CTBS: variants seen among roughly 807,000 people sequenced by gnomAD.
The protein encoded by CTBS is chitobiase.
CTBS carries 35 observed loss-of-function variants against 44.3 expected under a neutral mutation model. That is an observed-to-expected ratio of 0.79 (90% CI 0.60 to 1.05). The LOEUF is 1.05. Ranked by LOEUF, CTBS falls within the 50% of genes least tolerant of loss-of-function variation. The pLI, the probability that CTBS is intolerant of heterozygous loss-of-function variation, is 0.00. For missense variants in CTBS, 458 were observed against 475.3 expected, an observed-to-expected ratio of 0.96 and a Z score of 0.34; for synonymous variants, 143 against 168.0, an observed-to-expected ratio of 0.85 and a Z score of 1.15.
At chr1:84,557,270 C>T (rs1242711638) in intron 6 of CTBS, among the ~76,000 whole-genome samples, 2 of 152,098 alleles carry the variant, frequency 1.3e-5, no homozygotes, top group Non-Finnish European at 2.9e-5. Flanking sequence ...CGATGGCTTA[C>T]GCCTGTAATC....
At chr1:84,566,448 C>G (rs1684702049) in intron 3 of CTBS, among the ~76,000 whole-genome samples, 1 of 152,114 alleles carries the variant, frequency 6.6e-6, no homozygotes, top group African/African-American at 2.4e-5. Flanking sequence ...GTTGGCACAA[C>G]CTGACTGGGT....
chr1:84,550,546 C>G lies in CTBS; in HGVS notation c.*4453G>C. ...AGAAGTTAAGGTAATTTACATTTTTCCTAATCAGATTATTATAACATTTAT... is the reference window on the plus strand; with the variant it reads ...AGAAGTTAAGGTAATTTACATTTTTGCTAATCAGATTATTATAACATTTAT... On this transcript the variant is annotated 3_prime_UTR_variant, in exon 7 of 7. Coordinates refer to ENST00000370630, the MANE Select transcript of CTBS (RefSeq NM_004388.3). 2 of 1,494,378 alleles carry G rather than the reference C, an allele frequency of 1.3e-6. No individual in the cohort carries two copies. Among genetic ancestry groups the G allele is most frequent in the Non-Finnish European group, 1.8e-6 (2 of 1,118,648 alleles). 92.6% of individuals were successfully genotyped at this position (1,494,378 alleles called of 1,614,324 possible).
intron 3 of CTBS, among the ~76,000 whole-genome samples, chr1:84,569,086 T>C (rs985260840): frequency 3.3e-5 from 5 of 152,240 alleles, no homozygotes; most frequent in South Asian, 2.1e-4. Flanking sequence ...TGGTTTATAA[T>C]ACTCATAATG....
rs1684329900 is a variant in CTBS at position 84,553,183 on chromosome 1, T to G, written c.*1816A>C. On this transcript the variant is annotated 3_prime_UTR_variant, in exon 7 of 7. Transcript: ENST00000370630. Reference sequence around the variant, plus strand: ...ATTTAAATATGTATTTGAACAGATTTGTTTAACCATTATTCTCCTTGGCAA... The same window carrying G: ...ATTTAAATATGTATTTGAACAGATTGGTTTAACCATTATTCTCCTTGGCAA... 3 of 973,740 alleles carry G rather than the reference T, an allele frequency of 3.1e-6. No homozygotes were observed. Among genetic ancestry groups the G allele is most frequent in the Non-Finnish European group, 1.5e-6 (1 of 671,390 alleles). 60.3% of individuals were successfully genotyped at this position (973,740 alleles called of 1,614,324 possible).
At position 84,574,280 on chromosome 1, in the gene CTBS, G is replaced by T. The variant is rs1339306567; in HGVS notation, c.136C>A (p.Pro46Thr). Residue 46 changes from proline to threonine, a missense_variant, in exon 1 of 7, where the codon CCT (proline) becomes ACT (threonine). Coordinates refer to ENST00000370630, the MANE Select transcript of CTBS (RefSeq NM_004388.3). ...TGGCGAATCGGGCGGCAGAGCTCAGGCTCCGGGCATGGGCAGTCGGTCCCG... is the reference window on the plus strand; with the variant it reads ...TGGCGAATCGGGCGGCAGAGCTCAGTCTCCGGGCATGGGCAGTCGGTCCCG... ...AAGTDCPCPE[P>T]ELCRPIRHHP... 3.1e-6 allele frequency: 5 copies of T among 1,590,964 alleles called. No homozygotes were observed. The South Asian group carries it at 5.7e-5, about 18-fold the overall frequency.
intron 4 of CTBS, among the ~76,000 whole-genome samples, chr1:84,564,607 A>G (rs1684657237): frequency 6.6e-6 from 1 of 152,210 alleles, no homozygotes; most frequent in Non-Finnish European, 1.5e-5. Flanking sequence ...CTTCGGCCTC[A>G]TGTGATCTTC....
At position 84,574,328 on chromosome 1, in the gene CTBS, GCGCCAGCA is replaced by G; in HGVS notation, c.80_87del (p.Leu27ProfsTer18). 6.4e-7 allele frequency: 1 copy of G among 1,565,124 alleles called. No homozygotes were observed. The highest frequency in any genetic ancestry group is 8.7e-7 in the Non-Finnish European group (1 of 1,155,416). On this transcript the variant is annotated frameshift_variant, in exon 1 of 7. Coordinates refer to ENST00000370630, the MANE Select transcript of CTBS (RefSeq NM_004388.3). LOFTEE classifies it high-confidence loss of function. Reference sequence around the variant, plus strand: ...CCGGCCGCGAGCCGCAGCGCCAGCAGCGCCAGCAGCGCCAGCAGCGCTAGACCCGGGAC... The same window carrying G: ...CCGGCCGCGAGCCGCAGCGCCAGCAGGCGCCAGCAGCGCTAGACCCGGGAC...
At chr1:84,565,149 T>C (rs1684666848) in intron 4 of CTBS, among the ~76,000 whole-genome samples, 1 of 152,032 alleles carries the variant, frequency 6.6e-6, no homozygotes, top group African/African-American at 2.4e-5. Context: ...CAGTGAGCCC[T>C]GATCGTGCCA....
intron 6 of CTBS, among the ~76,000 whole-genome samples, chr1:84,558,592 C>T (rs1684523444): frequency 6.9e-6 from 1 of 145,562 alleles, no homozygotes. Context: ...CGCCCGGCCA[C>T]TTTTTTTTAA....
At chr1:84,566,474 G>C (rs1684702893) in intron 3 of CTBS, among the ~76,000 whole-genome samples, 1 of 152,190 alleles carries the variant, frequency 6.6e-6, no homozygotes. Context: ...GTTTCAGCCT[G>C]ATTCACAATC....
chr1:84,574,396 C>T lies in CTBS; in HGVS notation c.20G>A (p.Arg7Gln). MSRPQL[R>Q]RWRLVSSPPS... The stretch of plus-strand genomic sequence containing the variant: ...CGGGCTAGAGACGAGGCGCCAGCGT[C>T]GAAGCTGCGGCCGGGACATAGCAGC... The change falls in exon 1 of 7, where the codon CGA becomes CAA. Residue 7 changes from arginine (R) to glutamine (Q), a missense_variant. Coordinates refer to ENST00000370630, the MANE Select transcript of CTBS (RefSeq NM_004388.3). 1.9e-6 allele frequency: 3 copies of T among 1,556,318 alleles called. No homozygotes were observed. The highest frequency in any genetic ancestry group is 2.6e-6 in the Non-Finnish European group (3 of 1,152,222).
At chr1:84,559,899 A>G (rs1684553940) in intron 6 of CTBS, among the ~76,000 whole-genome samples, 1 of 151,966 alleles carries the variant, frequency 6.6e-6, no homozygotes, top group Non-Finnish European at 1.5e-5. Context: ...AGACTGGCCT[A>G]CATAGTGAAA....
intron 5 of CTBS, 147 bp downstream of exon 5, chr1:84,563,588 A>G (rs1447093922): frequency 3.1e-6 from 2 of 640,666 alleles, no homozygotes; most frequent in African/African-American, 1.9e-5. Context: ...TATGATAATC[A>G]TAAGCTTTCA....
At chr1:84,556,643 C>T (rs1259965988) in intron 6 of CTBS, among the ~76,000 whole-genome samples, 2 of 140,922 alleles carry the variant, frequency 1.4e-5, no homozygotes, top group African/African-American at 5.5e-5. Flanking sequence ...ACCCAGGAGA[C>T]GGAGGTTGCA....
chr1:84,565,359 T>G (rs1324262819), intron 4 of CTBS, among the ~76,000 whole-genome samples: 1 of 152,220 alleles, frequency 6.6e-6, no homozygotes, highest in African/African-American at 2.4e-5. Context: ...AATATAATTT[T>G]TAATTTATCA....
At chr1:84,565,605 C>T (rs1160828884) in intron 4 of CTBS, among the ~76,000 whole-genome samples, 1 of 152,068 alleles carries the variant, frequency 6.6e-6, no homozygotes, top group Non-Finnish European at 1.5e-5. Flanking sequence ...TTCTTTTTAT[C>T]TCATCTAGAA....
intron 1 of CTBS, among the ~76,000 whole-genome samples, chr1:84,571,825 G>A (rs1290350771): frequency 1.3e-5 from 2 of 152,274 alleles, no homozygotes; most frequent in Non-Finnish European, 2.9e-5. Context: ...ACACACTTTC[G>A]GAGTGGGCTG....
At chr1:84,561,402 A>G (rs1265158488) in intron 6 of CTBS, among the ~76,000 whole-genome samples, 2 of 152,250 alleles carry the variant, frequency 1.3e-5, no homozygotes, top group Non-Finnish European at 1.5e-5. Context: ...ACTTCTTATG[A>G]ATACGCAAAG....
intron 3 of CTBS, among the ~76,000 whole-genome samples, chr1:84,566,760 A>G (rs908875793): frequency 6.6e-6 from 1 of 152,070 alleles, no homozygotes; most frequent in Non-Finnish European, 1.5e-5. Context: ...AGCCTCCCAC[A>G]TAGCTGGGAT....
Sources: allele counts gnomAD v4.1 joint callset (sites outside exome capture counted in the v4.1 genomes callset), GRCh38; gene constraint gnomAD v4.1.1; transcripts MANE v1.5; gene names NCBI Gene and HGNC (gene_info 2026-07-23, HGNC 2026-07-21).